Variants in PRR16 observed in about 807,000 individuals in gnomAD.
The protein encoded by PRR16 is protein Largen.
PRR16 carries 6 observed loss-of-function variants against 18.2 expected under a neutral mutation model. The observed-to-expected ratio is 0.33, with a 90% confidence interval of 0.18 to 0.65. The LOEUF (loss-of-function observed/expected upper bound fraction) is 0.65, where lower values mean the gene tolerates loss of function less well. PRR16 is among the 30% of genes least tolerant of loss of function. The probability of loss-of-function intolerance (pLI) is 0.74; values close to 1 mark genes in which losing one functional copy is unlikely to be tolerated. For missense variants in PRR16, 412 were observed against 376.6 expected (o/e 1.09, Z -0.78); for synonymous variants, 151 against 147.8 (o/e 1.02, Z -0.16).
intron 1 of PRR16, among the ~76,000 whole-genome samples, chr5:120,535,956 A>G (rs1313156145): frequency 6.6e-6 from 1 of 152,212 alleles, no homozygotes; most frequent in African/African-American, 2.4e-5. Context: ...AAAAGAAATA[A>G]ATTATTTAAA....
the PRR16 span, among the ~76,000 whole-genome samples, chr5:120,788,929 CTT>C: frequency 1.3e-5 from 2 of 151,900 alleles, no homozygotes; most frequent in African/African-American, 4.8e-5. Context: ...AAAATTATCA[CTT>C]ATTAATCTAA....
chr5:120,780,146 C>A, the PRR16 span, among the ~76,000 whole-genome samples: 1 of 152,118 alleles, frequency 6.6e-6, no homozygotes, highest in Non-Finnish European at 1.5e-5. Context: ...TCAGACCTAC[C>A]ATGGGATGGA....
At chr5:120,475,868 G>C (rs1749425110) in intron 1 of PRR16, among the ~76,000 whole-genome samples, 1 of 152,094 alleles carries the variant, frequency 6.6e-6, no homozygotes, top group African/African-American at 2.4e-5. Context: ...TTATATTTTA[G>C]TAGAGAGACA....
Position 120,686,534 on chromosome 5 carries a change from A to C in PRR16, c.740A>C (p.Gln247Pro). The change falls in exon 2 of 2, where the codon CAA becomes CCA. Residue 247 changes from glutamine (Q) to proline (P), a missense_variant. Gln to Pro is a moderately conservative substitution (Grantham distance 76). Coordinates refer to ENST00000407149, the MANE Select transcript of PRR16 (RefSeq NM_001300783.2). The stretch of plus-strand genomic sequence containing the variant: ...CACCCACCGGGAAAGATTCCTCACC[A>C]AGGCCCTCCCCTCCCTCCTACACCC... ...PVHPPGKIPH[Q>P]GPPLPPTPHL... 6.2e-7 allele frequency: 1 copy of C among 1,613,596 alleles called. No individual in the cohort carries two copies. The highest frequency in any genetic ancestry group is 1.1e-5 in the South Asian group (1 of 91,034).
the PRR16 span, among the ~76,000 whole-genome samples, chr5:120,700,339 C>G: frequency 1.1e-3 from 166 of 152,040 alleles, 3 homozygotes; most frequent in South Asian, 2.5e-3. Context: ...GGATATTGGC[C>G]TTGAGTGGGG....
At chr5:120,771,632 A>G in the PRR16 span, among the ~76,000 whole-genome samples, 4 of 152,028 alleles carry the variant, frequency 2.6e-5, no homozygotes, top group Non-Finnish European at 4.4e-5. Context: ...TGCAAAGGAG[A>G]TGGCTGGATG....
the PRR16 span, among the ~76,000 whole-genome samples, chr5:120,731,228 A>G: frequency 1.3e-5 from 2 of 152,194 alleles, no homozygotes; most frequent in African/African-American, 2.4e-5. Flanking sequence ...TTTGTATTCA[A>G]AAATCTATAG....
At chr5:120,494,103 A>G (rs1027431916) in intron 1 of PRR16, among the ~76,000 whole-genome samples, 18 of 152,134 alleles carry the variant, frequency 1.2e-4, no homozygotes, top group Non-Finnish European at 2.4e-4. Context: ...TTTATAAGAG[A>G]CTGTCAAATA....
chr5:120,617,335 A>C, intron 1 of PRR16: 1 of 224,922 alleles, frequency 4.4e-6, no homozygotes, highest in Non-Finnish European at 7.4e-6. Flanking sequence ...TTTGAATATT[A>C]AAGTTATCAA....
At chr5:120,682,201 C>CT (rs553231332) in intron 1 of PRR16, among the ~76,000 whole-genome samples, 147 of 152,300 alleles carry the variant, frequency 9.7e-4, no homozygotes, top group Middle Eastern at 3.4e-3. Context: ...TTATCAGGCT[C>CT]TTTTCTGAGC....
At chr5:120,546,653 A>G (rs555842404) in intron 1 of PRR16, among the ~76,000 whole-genome samples, 1 of 152,264 alleles carries the variant, frequency 6.6e-6, no homozygotes, top group South Asian at 2.1e-4. Context: ...GAAGATGAAC[A>G]AGGATTCAGC....
intron 1 of PRR16, among the ~76,000 whole-genome samples, chr5:120,516,216 G>A (rs1258530389): frequency 6.6e-6 from 1 of 152,036 alleles, no homozygotes; most frequent in Non-Finnish European, 1.5e-5. Flanking sequence ...TTGAGGTCAG[G>A]AGTTCGAGAC....
At chr5:120,646,653 T>C (rs1755612266) in intron 1 of PRR16, among the ~76,000 whole-genome samples, 1 of 152,000 alleles carries the variant, frequency 6.6e-6, no homozygotes, top group South Asian at 2.1e-4. Context: ...TAGGCAATGA[T>C]ATGTTAGATA....
intron 1 of PRR16, among the ~76,000 whole-genome samples, chr5:120,674,953 GTTA>G (rs1756745089): frequency 6.6e-6 from 1 of 151,120 alleles, no homozygotes; most frequent in Non-Finnish European, 1.5e-5. Context: ...TTACGTATGT[GTTA>G]TTATTTTATA....
intron 1 of PRR16, among the ~76,000 whole-genome samples, chr5:120,506,584 G>T (rs933143156): frequency 6.6e-6 from 1 of 152,026 alleles, no homozygotes; most frequent in Non-Finnish European, 1.5e-5. Context: ...AGATGATACC[G>T]TATCATAGTT....
At chr5:120,505,944 GTGTA>G (rs1196229892) in intron 1 of PRR16, among the ~76,000 whole-genome samples, 3 of 123,986 alleles carry the variant, frequency 2.4e-5, no homozygotes, top group African/African-American at 3.6e-5. Context: ...ATGTGTGTGT[GTGTA>G]TATATATATA....
the PRR16 span, among the ~76,000 whole-genome samples, chr5:120,733,237 T>C: frequency 6.6e-6 from 1 of 152,062 alleles, no homozygotes; most frequent in Non-Finnish European, 1.5e-5. Context: ...CTTGAACTCC[T>C]GGGCTCAAGC....
At chr5:120,489,957 T>C (rs953291378) in intron 1 of PRR16, among the ~76,000 whole-genome samples, 1 of 152,236 alleles carries the variant, frequency 6.6e-6, no homozygotes, top group Non-Finnish European at 1.5e-5. Context: ...AATTCTTTTC[T>C]TTAAGAATGT....
chr5:120,777,488 T>C, the PRR16 span, among the ~76,000 whole-genome samples: 1 of 152,098 alleles, frequency 6.6e-6, no homozygotes, highest in Non-Finnish European at 1.5e-5. Context: ...GTGAATAAGT[T>C]CCCCACCTGC....
Sources: allele counts gnomAD v4.1 joint callset (sites outside exome capture counted in the v4.1 genomes callset), GRCh38; gene constraint gnomAD v4.1.1; transcripts MANE v1.5; gene names NCBI Gene and HGNC (gene_info 2026-07-23, HGNC 2026-07-21).